Variants in SEMA6D observed in about 807,000 individuals in gnomAD.
The protein encoded by SEMA6D is semaphorin 6D, also known as semaphorin-6D.
A neutral mutation model predicts 106.6 loss-of-function variants in SEMA6D; 35 were observed. The observed-to-expected ratio is 0.33, with a 90% CI of 0.25 to 0.44. The LOEUF (loss-of-function observed/expected upper bound fraction) is 0.44. SEMA6D is among the 20% of genes least tolerant of loss of function. The pLI is 1.00. For synonymous variants in SEMA6D, 499 were observed against 487.7 expected (o/e 1.02, Z -0.31); for missense variants, 1,185 against 1,345.9 (o/e 0.88, Z 1.87).
chr15:47,521,796 T>A (rs1024923371), intron 3 of SEMA6D, among the ~76,000 whole-genome samples: 1 of 152,046 alleles, frequency 6.6e-6, no homozygotes, highest in Non-Finnish European at 1.5e-5. Flanking sequence ...CCATCCTGCC[T>A]AACACGGTGA....
intron 1 of SEMA6D, among the ~76,000 whole-genome samples, chr15:47,298,545 A>G (rs1361013742): frequency 6.6e-6 from 1 of 152,134 alleles, no homozygotes; most frequent in Non-Finnish European, 1.5e-5. Flanking sequence ...CATTCACCCC[A>G]AGCCTTTCAT....
chr15:47,414,754 A>G (rs1178401760), intron 2 of SEMA6D, among the ~76,000 whole-genome samples: 1 of 152,142 alleles, frequency 6.6e-6, no homozygotes, highest in Non-Finnish European at 1.5e-5. Flanking sequence ...ATATGAGGAC[A>G]CTGTTGAACA....
rs201591556 is a variant in SEMA6D at position 47,771,079 on chromosome 15, C to T, written c.2516C>T (p.Thr839Met). 242 of 1,614,142 alleles carry T rather than the reference C, an allele frequency of 1.5e-4. 2 individuals carry two copies. In the South Asian group the frequency reaches 2.2e-3, roughly 15 times the overall value. Residue 839 changes from threonine to methionine, a missense_variant, in exon 19 of 19, where the codon ACG becomes ATG. By Grantham distance (81) the Thr-to-Met change is moderately conservative. Coordinates refer to ENST00000536845, the MANE Select transcript of SEMA6D (RefSeq NM_001358351.3). ...VLPNATHDYNTSFSNSNAHKA... is the reference protein window; with the variant it reads ...VLPNATHDYNMSFSNSNAHKA... ...CCAAATGCTACCCATGACTACAACA[C>T]GTCTTTCTCAAACTCCAATGCTCAC...
chr15:47,206,365 G>A (rs1246826800), intron 1 of SEMA6D, among the ~76,000 whole-genome samples: 1 of 152,072 alleles, frequency 6.6e-6, no homozygotes, highest in Non-Finnish European at 1.5e-5. Flanking sequence ...GAGAACCCTG[G>A]GAGACAGAGA....
At chr15:47,618,898 G>A (rs1378645887) in intron 4 of SEMA6D, among the ~76,000 whole-genome samples, 5 of 152,098 alleles carry the variant, frequency 3.3e-5, no homozygotes, top group African/African-American at 1.2e-4. Context: ...ATTAGGCTTT[G>A]TGAAATATGT....
chr15:47,358,361 G>A (rs959005655), intron 1 of SEMA6D, among the ~76,000 whole-genome samples: 5 of 152,086 alleles, frequency 3.3e-5, no homozygotes, highest in Admixed American at 2.0e-4. Context: ...TCTTTTCACA[G>A]CAACTTTGGT....
chr15:47,719,264 C>T lies in SEMA6D; in HGVS notation c.-55+1572C>T, dbSNP rs561511483. Among the ~76,000 whole-genome samples, 6 of 152,274 alleles carry T rather than the reference C, an allele frequency of 3.9e-5. No individual in the cohort carries two copies. In the South Asian group the frequency reaches 8.3e-4, roughly 21 times the overall value. On this transcript the variant is annotated intron_variant, in intron 1 of 18. Transcript: ENST00000536845. ...GACCATTCGGTAACTGATGTTCCAGCATCCCGAGCCCTCAGCGCCGTCAGC... is the reference window on the plus strand; with the variant it reads ...GACCATTCGGTAACTGATGTTCCAGTATCCCGAGCCCTCAGCGCCGTCAGC...
rs182724045 is a variant in SEMA6D at position 47,374,277 on chromosome 15, T to C, written c.-238-38116T>C. Among the ~76,000 whole-genome samples, 68 of 152,210 alleles carry C rather than the reference T, an allele frequency of 4.5e-4. No individual in the cohort carries two copies. The East Asian group carries it at 0.01, about 23-fold the overall frequency. On this transcript the variant is annotated intron_variant, in intron 1 of 19. Transcript: ENST00000558014. ...AAATTGGCTCATGGAAGAAATCCCA[T>C]TGGAGTTGCAGGGGGTGGTAAAGAG...
chr15:47,402,166 C>T (rs757175077), intron 1 of SEMA6D, among the ~76,000 whole-genome samples: 1 of 152,122 alleles, frequency 6.6e-6, no homozygotes, highest in Non-Finnish European at 1.5e-5. Flanking sequence ...CACTGCAGAA[C>T]TGGGATTTTA....
chr15:47,626,736 A>G (rs1486811057), intron 4 of SEMA6D, among the ~76,000 whole-genome samples: 1 of 152,084 alleles, frequency 6.6e-6, no homozygotes, highest in African/African-American at 2.4e-5. Flanking sequence ...TTTAATTTTG[A>G]AATTGAATAA....
intron 1 of SEMA6D, among the ~76,000 whole-genome samples, chr15:47,719,979 C>T (rs1431406529): frequency 6.6e-6 from 1 of 152,142 alleles, no homozygotes; most frequent in Non-Finnish European, 1.5e-5. Context: ...TACCATGAAC[C>T]TAAACATCTA....
intron 4 of SEMA6D, among the ~76,000 whole-genome samples, chr15:47,702,674 A>G (rs562746146): frequency 6.6e-5 from 10 of 152,350 alleles, no homozygotes; most frequent in Non-Finnish European, 1.3e-4. Flanking sequence ...ATGGAATATT[A>G]TTCAATATTA....
rs11432969 is a variant in SEMA6D at position 47,196,025 on chromosome 15, A to ATTT, written c.-239+11618_-239+11620dup. ...TTATCAATGAAGGGGAAAGTTTCAG[A>ATTT]TTTTTTTTTTTTTGGAGACGTGAGA... is the stretch of plus-strand genomic sequence containing the variant. On this transcript the variant is annotated intron_variant, in intron 1 of 19. Coordinates refer to the SEMA6D transcript ENST00000558014. Among the ~76,000 whole-genome samples the ATTT allele has an allele frequency of 1.8e-3, 262 of 147,168 alleles. 1 individual carries two copies. The highest frequency in any genetic ancestry group is 4.4e-3 in the African/African-American group (175 of 39,954).
At chr15:47,420,567 G>A (rs887946880) in intron 2 of SEMA6D, among the ~76,000 whole-genome samples, 5 of 152,090 alleles carry the variant, frequency 3.3e-5, no homozygotes, top group Non-Finnish European at 4.4e-5. Context: ...TATGTGCATT[G>A]CAAGTCCTAG....
At chr15:47,691,525 T>TCTTTAACCTTTAAC (rs2078585575) in intron 4 of SEMA6D, among the ~76,000 whole-genome samples, 2 of 152,188 alleles carry the variant, frequency 1.3e-5, no homozygotes, top group African/African-American at 2.4e-5. Flanking sequence ...GTTGGACAAG[T>TCTTTAACCTTTAAC]CTTTAACCTT....
chr15:47,294,910 T>C (rs1496914), intron 1 of SEMA6D, among the ~76,000 whole-genome samples: 150,783 of 152,344 alleles, frequency 0.99, 74,631 homozygotes, highest in Middle Eastern at 1. Context: ...TTTTCTCTGC[T>C]CAGTCTGGAA....
chr15:47,252,748 T>C (rs181055392), intron 1 of SEMA6D, among the ~76,000 whole-genome samples: 8 of 152,314 alleles, frequency 5.3e-5, no homozygotes, highest in Admixed American at 1.3e-4. Context: ...TATAGCTGAA[T>C]AGTATTCCAT....
chr15:47,729,996 T>G, intron 1 of SEMA6D: 2 of 506,992 alleles, frequency 3.9e-6, no homozygotes, highest in South Asian at 5.1e-5. Context: ...AGAGTCTATA[T>G]GACCTCCAGA....
intron 4 of SEMA6D, among the ~76,000 whole-genome samples, chr15:47,662,066 T>C (rs946780540): frequency 1.3e-4 from 19 of 151,748 alleles, no homozygotes; most frequent in African/African-American, 4.1e-4. Flanking sequence ...AAAAATGGAG[T>C]GAGTGGAGCT....
Sources: allele counts gnomAD v4.1 joint callset (sites outside exome capture counted in the v4.1 genomes callset), GRCh38; gene constraint gnomAD v4.1.1; transcripts MANE v1.5; gene names NCBI Gene and HGNC (gene_info 2026-07-23, HGNC 2026-07-21).